The following SLC45A4 variants were observed in gnomAD, a reference collection of about 807,000 sequenced individuals.
SLC45A4 encodes solute carrier family 45 member 4.
SLC45A4 carries 32 observed loss-of-function variants against 63.7 expected under a neutral mutation model. That is an observed-to-expected ratio of 0.50 (90% CI 0.38 to 0.67). SLC45A4 has a LOEUF of 0.67. Among genes scored for constraint, SLC45A4 ranks in the 30% least tolerant of loss-of-function variants. The probability of loss-of-function intolerance (pLI) is 0.00; values close to 1 mark genes in which losing one functional copy is unlikely to be tolerated. For synonymous variants in SLC45A4, 535 were observed against 510.0 expected (o/e 1.05, Z -0.66); for missense variants, 1,027 against 1,157.7 (o/e 0.89, Z 1.64).
intron 1 of SLC45A4, among the ~76,000 whole-genome samples, chr8:141,275,613 A>G (rs921616518): frequency 6.6e-6 from 1 of 152,034 alleles, no homozygotes; most frequent in South Asian, 2.1e-4. Flanking sequence ...CTGTCTCAAA[A>G]AAAAAAAACA....
Position 141,278,996 on chromosome 8 carries a change from GCA to G in SLC45A4, c.-400-24369_-400-24368del. 6.6e-6 allele frequency among the ~76,000 whole-genome samples: 1 copy of G among 152,228 alleles called. No homozygotes were observed. The highest frequency in any genetic ancestry group is 1.9e-4 in the East Asian group (1 of 5,186). On this transcript the variant is annotated intron_variant, in intron 1 of 8. Transcript: ENST00000517878. This position sits in a 1 kb window ranked among gnomAD's most constrained non-coding sequence, Gnocchi z 4.1. Reference sequence around the variant, plus strand: ...CCCCACCTTGGCCCCCAGCCTGTGGGCACAGTTTCTCTCCACAGGCTTGGCTG... The same window carrying G: ...CCCCACCTTGGCCCCCAGCCTGTGGGCAGTTTCTCTCCACAGGCTTGGCTG...
At chr8:141,277,878 G>A (rs929905565) in intron 1 of SLC45A4, among the ~76,000 whole-genome samples, 1 of 152,012 alleles carries the variant, frequency 6.6e-6, no homozygotes, top group Non-Finnish European at 1.5e-5. Context: ...TCCTGACCTC[G>A]TGATCCGCCT....
chr8:141,218,455 GA>G lies in SLC45A4; in HGVS notation c.1184del (p.Leu395ProfsTer54). The G allele has an allele frequency of 6.2e-7, 1 of 1,612,872 alleles. No individual in the cohort carries two copies. Among genetic ancestry groups the G allele is most frequent in the Non-Finnish European group, 8.5e-7 (1 of 1,179,934 alleles). The stretch of plus-strand genomic sequence containing the variant: ...TCGTGTCCACCCTGGTGTAGCCGCC[GA>G]GGGCGTCTTTTGTGGGGGAGCCACT... ...NGSGSPTKDA[L>X]GGYTRVDTKP... On this transcript the variant is annotated frameshift_variant, in exon 5 of 9. Coordinates refer to ENST00000517878, the MANE Select transcript of SLC45A4 (RefSeq NM_001286646.2). LOFTEE classifies it high-confidence loss of function.
chr8:141,302,774 C>T (rs1162101499), intron 1 of SLC45A4, among the ~76,000 whole-genome samples: 2 of 152,190 alleles, frequency 1.3e-5, no homozygotes, highest in African/African-American at 2.4e-5. Context: ...CCCCTCGCCT[C>T]GTGTCTAACA....
At chr8:141,306,208 A>C (rs4961358) in intron 1 of SLC45A4, among the ~76,000 whole-genome samples, 143,405 of 152,288 alleles carry the variant, frequency 0.94, 67,839 homozygotes, top group Middle Eastern at 1. Context: ...CAGCCTCCCC[A>C]CTCCCCGCCC....
At chr8:141,220,011 C>T (rs1012333365) in intron 3 of SLC45A4, among the ~76,000 whole-genome samples, 182 bp from the exon 4 acceptor site, 2 of 152,230 alleles carry the variant, frequency 1.3e-5, no homozygotes, top group African/African-American at 2.4e-5. Context: ...GGCTTTGTTC[C>T]ACGCACTTCT....
At chr8:141,295,854 T>C (rs1023577303) in intron 1 of SLC45A4, among the ~76,000 whole-genome samples, 17 of 152,194 alleles carry the variant, frequency 1.1e-4, no homozygotes, top group African/African-American at 4.1e-4. Context: ...CCCAGGATGG[T>C]GCGGAGCTCA....
rs576237581 is a variant in SLC45A4, at chr8:141,256,689, T to A, written c.-400-2060A>T. The A allele has an allele frequency of 8.0e-5, 36 of 451,302 alleles. 2 individuals carry two copies. Among genetic ancestry groups the A allele is most frequent in the South Asian group, 5.4e-4 (35 of 64,500 alleles). 28.0% of individuals were successfully genotyped at this position (451,302 alleles called of 1,614,324 possible). A position where few individuals can be genotyped will look rare whatever the true frequency, so the allele number is the denominator to read the frequency against. ...CCAAAGGTTCAAGTGGTGCTACCTA[T>A]GTATTTGCTTCTTACGTCCCCTGAA... On this transcript the variant is annotated intron_variant, in intron 1 of 8. Coordinates refer to ENST00000517878, the MANE Select transcript of SLC45A4 (RefSeq NM_001286646.2). The surrounding 1 kb of genome is among the most constrained non-coding windows in gnomAD (Gnocchi z 4.3).
intron 1 of SLC45A4, among the ~76,000 whole-genome samples, chr8:141,274,732 A>C (rs1486218487): frequency 6.6e-6 from 1 of 152,170 alleles, no homozygotes; most frequent in African/African-American, 2.4e-5. Flanking sequence ...ATCTCGAGGG[A>C]CAGAATGGGT....
In SLC45A4 at chr8:141,215,178, T is replaced by G. The variant is rs1826065208; in HGVS notation, c.1941+581A>C. Among the ~76,000 whole-genome samples, 2 of 152,238 alleles carry G rather than the reference T, an allele frequency of 1.3e-5. No individual in the cohort carries two copies. Among genetic ancestry groups the G allele is most frequent in the Admixed American group, 1.3e-4 (2 of 15,284 alleles). Reference sequence around the variant, plus strand: ...AAGAGTCTGCCTGTGCTGCGGCTACTGAGCATTTGAGATAAAGCTCGTCTC... The same window carrying G: ...AAGAGTCTGCCTGTGCTGCGGCTACGGAGCATTTGAGATAAAGCTCGTCTC... On this transcript the variant is annotated intron_variant, in intron 7 of 8. Transcript: ENST00000517878. This position sits in a 1 kb window ranked among gnomAD's most constrained non-coding sequence, Gnocchi z 4.3.
rs746275501 is a variant in SLC45A4, at chr8:141,218,470, G to A, written c.1170C>T (p.Pro390=). The change falls in exon 5 of 9, where the codon CCC becomes CCT. Residue 390 remains proline (P), a synonymous_variant. Transcript: ENST00000517878. ...TGTAGCCGCCGAGGGCGTCTTTTGT[G>A]GGGGAGCCACTTCCGTTTGGGACTT... The part of the protein sequence containing the change: ...EAKVPNGSGS[P]TKDALGGYTR... 14 of 1,612,964 alleles carry A rather than the reference G, an allele frequency of 8.7e-6. No individual in the cohort carries two copies. The highest frequency in any genetic ancestry group is 1.2e-5 in the Non-Finnish European group (14 of 1,179,948).
At chr8:141,258,591 C>G (rs1447041338) in intron 1 of SLC45A4, among the ~76,000 whole-genome samples, 1 of 152,114 alleles carries the variant, frequency 6.6e-6, no homozygotes, top group East Asian at 1.9e-4. Context: ...ACAGTCAGAC[C>G]CGTTTTTCAA....
chr8:141,271,231 C>T (rs1829508990), intron 1 of SLC45A4, among the ~76,000 whole-genome samples: 1 of 152,220 alleles, frequency 6.6e-6, no homozygotes, highest in African/African-American at 2.4e-5. Flanking sequence ...GACCTTCCTG[C>T]CGGTGAAGTC....
At chr8:141,232,771 C>T (rs966345539) in intron 2 of SLC45A4, among the ~76,000 whole-genome samples, 2 of 149,098 alleles carry the variant, frequency 1.3e-5, no homozygotes, top group Non-Finnish European at 3.0e-5. Flanking sequence ...CAAGCTGCAA[C>T]GGGAACACAC....
In SLC45A4 at chr8:141,289,149, G is replaced by A. The variant is rs118076585; in HGVS notation, c.-401+18947C>T. Among the ~76,000 whole-genome samples, 163 of 152,338 alleles carry A rather than the reference G, an allele frequency of 1.1e-3. 2 individuals carry two copies. In the East Asian group the frequency reaches 0.027, roughly 25 times the overall value. ...GATGATCGGAGAAGGCGGTGCCAGG[G>A]AACAGTGGGCACAGAGGCCAGGGCG... is the stretch of plus-strand genomic sequence containing the variant. On this transcript the variant is annotated intron_variant, in intron 1 of 8. Coordinates refer to ENST00000517878, the MANE Select transcript of SLC45A4 (RefSeq NM_001286646.2).
intron 1 of SLC45A4, among the ~76,000 whole-genome samples, chr8:141,261,244 T>A (rs1347681833): frequency 6.6e-5 from 10 of 152,206 alleles, no homozygotes; most frequent in Non-Finnish European, 1.3e-4. Context: ...GAGCTATCTA[T>A]GACAGACCCA....
In SLC45A4 at chr8:141,301,734, C is replaced by CA. The variant is rs564016568; in HGVS notation, c.-401+6361dup. On this transcript the variant is annotated intron_variant, in intron 1 of 8. Transcript: ENST00000517878. ...TGGGGGACAGAATGAGACCCTATCTCAAAAAAAAAAAAAAAAAAAAAAAAA... is the reference window on the plus strand; with the variant it reads ...TGGGGGACAGAATGAGACCCTATCTCAAAAAAAAAAAAAAAAAAAAAAAAAA... Among the ~76,000 whole-genome samples, 110 of 39,574 alleles carry CA rather than the reference C, an allele frequency of 2.8e-3. 5 individuals carry two copies. Among genetic ancestry groups the CA allele is most frequent in the African/African-American group, 7.6e-3 (91 of 12,034 alleles). 26.0% of individuals were successfully genotyped at this position (39,574 alleles called of 152,430 possible).
intron 1 of SLC45A4, among the ~76,000 whole-genome samples, chr8:141,294,797 C>A (rs1287135835): frequency 6.6e-6 from 1 of 152,174 alleles, no homozygotes; most frequent in Non-Finnish European, 1.5e-5. Context: ...GGGAGGGAGG[C>A]ACCCTGGGAG....
chr8:141,246,579 A>C (rs576595677), intron 2 of SLC45A4, among the ~76,000 whole-genome samples: 67 of 152,216 alleles, frequency 4.4e-4, no homozygotes, highest in Non-Finnish European at 8.2e-4. Context: ...ATGCTGCCAT[A>C]TTCTATTGGT....
Sources: gnomAD v4.1 joint callset for allele counts (sites outside exome capture counted in the v4.1 genomes callset) on GRCh38, gnomAD v4.1.1 for gene constraint, Gnocchi (gnomAD v3.1) non-coding constraint, MANE v1.5 for transcripts, NCBI Gene and HGNC (gene_info 2026-07-23, HGNC 2026-07-21) for gene names.